OSBPL3: variants seen among roughly 807,000 people sequenced by gnomAD.
The protein encoded by OSBPL3 is oxysterol-binding protein-related protein 3.
In OSBPL3, 65 loss-of-function variants were observed where a neutral mutation model predicts 120.1. The observed-to-expected ratio is 0.54, with a 90% confidence interval of 0.44 to 0.67. The LOEUF (loss-of-function observed/expected upper bound fraction) is 0.67, where lower values mean the gene tolerates loss of function less well. Ranked by LOEUF, OSBPL3 falls within the 30% of genes least tolerant of loss-of-function variation. The probability of loss-of-function intolerance (pLI) is 0.00; values close to 1 mark genes in which losing one functional copy is unlikely to be tolerated. For missense variants in OSBPL3, 1,004 were observed against 1,082.1 expected, an observed-to-expected ratio of 0.93 and a Z score of 1.01; for synonymous variants, 416 against 402.6, an observed-to-expected ratio of 1.03 and a Z score of -0.40.
Position 24,806,977 on chromosome 7 carries a change from G to A in OSBPL3, c.2318-75C>T, listed in dbSNP as rs917108466. On this transcript the variant is annotated intron_variant, in intron 20 of 22. Coordinates refer to ENST00000313367, the MANE Select transcript of OSBPL3 (RefSeq NM_015550.4). The surrounding 1 kb of genome is among the most constrained non-coding windows in gnomAD (Gnocchi z 5.2). ...ACATTTTAATTCCTTCACCTTTTTC[G>A]TCTCAGCCTAGCTACAATTTTTCTC... The A allele has an allele frequency of 3.2e-5, 44 of 1,360,632 alleles. No individual in the cohort carries two copies. The highest frequency in any genetic ancestry group is 2.0e-4 in the Middle Eastern group (1 of 5,076). The allele number at this position is 1,360,632 out of a possible 1,614,324, so 84.3% of individuals were successfully genotyped here.
chr7:24,875,559 A>G (rs1191936450), intron 2 of OSBPL3, among the ~76,000 whole-genome samples: 1 of 152,148 alleles, frequency 6.6e-6, no homozygotes, highest in South Asian at 2.1e-4. Flanking sequence ...TTAATAATGA[A>G]TATCATTTGG....
chr7:24,834,803 C>T lies in OSBPL3; in HGVS notation c.1496-67G>A, dbSNP rs925329810. 4.4e-6 allele frequency: 6 copies of T among 1,375,016 alleles called. No homozygotes were observed. The highest frequency in any genetic ancestry group is 2.4e-5 in the East Asian group (1 of 42,344). The allele number at this position is 1,375,016 out of a possible 1,614,324, so 85.2% of individuals were successfully genotyped here. On this transcript the variant is annotated intron_variant, in intron 14 of 22. Coordinates refer to ENST00000313367, the MANE Select transcript of OSBPL3 (RefSeq NM_015550.4). The surrounding 1 kb of genome is among the most constrained non-coding windows in gnomAD (Gnocchi z 5.2). ...ATTTTATTCTATTATTTTTAATCCA[C>T]GAATAAAACCTTACGTAGCAAGTAG... is the stretch of plus-strand genomic sequence containing the variant.
At chr7:24,904,308 C>T (rs547820873) in intron 1 of OSBPL3, among the ~76,000 whole-genome samples, 1 of 152,340 alleles carries the variant, frequency 6.6e-6, no homozygotes, top group African/African-American at 2.4e-5. Flanking sequence ...TAACTGTCAA[C>T]TCTTTCAGTG....
At chr7:24,976,265 T>TA (rs141540738) in intron 1 of OSBPL3, among the ~76,000 whole-genome samples, 4,825 of 152,344 alleles carry the variant, frequency 0.032, 127 homozygotes, top group Non-Finnish European at 0.051. Context: ...GTTCAGCACC[T>TA]ATTACTACTG....
intron 1 of OSBPL3, among the ~76,000 whole-genome samples, chr7:24,909,173 T>C (rs191258395): frequency 6.6e-5 from 10 of 152,366 alleles, no homozygotes; most frequent in Non-Finnish European, 2.9e-5. Context: ...TAAGTTAGCA[T>C]GCATGCCTTG....
chr7:24,903,408 T>C (rs1807360272), intron 1 of OSBPL3, among the ~76,000 whole-genome samples: 1 of 152,230 alleles, frequency 6.6e-6, no homozygotes, highest in Non-Finnish European at 1.5e-5. Flanking sequence ...CTTTTGAAGT[T>C]CACCGATAGA....
In OSBPL3 at chr7:24,968,947, A is replaced by C. The variant is rs1816696867; in HGVS notation, c.-150+10939T>G. Among the ~76,000 whole-genome samples, 3 of 152,192 alleles carry C rather than the reference A, an allele frequency of 2.0e-5. No homozygotes were observed. The highest frequency in any genetic ancestry group is 2.0e-4 in the Admixed American group (3 of 15,278). On this transcript the variant is annotated intron_variant, in intron 1 of 22. Coordinates refer to ENST00000313367, the MANE Select transcript of OSBPL3 (RefSeq NM_015550.4). The surrounding 1 kb of genome is among the most constrained non-coding windows in gnomAD (Gnocchi z 4.6). ...TACTTGCAATCTGGTATTTATTCAA[A>C]TACTCCAAGAAACAATTTTGCATAT... is the stretch of plus-strand genomic sequence containing the variant.
intron 1 of OSBPL3, among the ~76,000 whole-genome samples, chr7:24,935,333 G>T (rs976723492): frequency 1.3e-5 from 2 of 152,080 alleles, no homozygotes; most frequent in South Asian, 4.1e-4. Flanking sequence ...AGTTTACTCA[G>T]ATTATGGTAA....
rs547862998 is a variant in OSBPL3, at chr7:24,938,028, G to A, written c.-150+41858C>T. On this transcript the variant is annotated intron_variant, in intron 1 of 22. Coordinates refer to ENST00000313367, the MANE Select transcript of OSBPL3 (RefSeq NM_015550.4). This position sits in a 1 kb window ranked among gnomAD's most constrained non-coding sequence, Gnocchi z 5.8. ...TTAGGAACTACATTTAACTGCAACC[G>A]ATAAGATACTTCCTCCTTATCTCCA... Among the ~76,000 whole-genome samples, 19 of 152,284 alleles carry A rather than the reference G, an allele frequency of 1.2e-4. No individual in the cohort carries two copies. Among genetic ancestry groups the A allele is most frequent in the Admixed American group, 1.0e-3 (16 of 15,298 alleles).
chr7:24,945,657 C>T (rs762261381), intron 1 of OSBPL3, among the ~76,000 whole-genome samples: 22 of 152,162 alleles, frequency 1.4e-4, no homozygotes, highest in Non-Finnish European at 5.9e-5. Flanking sequence ...TAGAAGTACA[C>T]GTAAGACCCT....
intron 1 of OSBPL3, among the ~76,000 whole-genome samples, chr7:24,915,354 T>C (rs1376964394): frequency 1.3e-5 from 2 of 152,170 alleles, no homozygotes; most frequent in Non-Finnish European, 1.5e-5. Flanking sequence ...GTCTTTAAAA[T>C]TCCCCCATGG....
In OSBPL3 at chr7:24,867,827, AT is replaced by A. The variant is rs1485156178; in HGVS notation, c.382-1591del. On this transcript the variant is annotated intron_variant, in intron 5 of 22. Transcript: ENST00000313367. This position sits in a 1 kb window ranked among gnomAD's most constrained non-coding sequence, Gnocchi z 4.5. Reference sequence around the variant, plus strand: ...TAAAGCACTATACAGCAATAGTATTATTTTTCTAACTTTTATTACTATCACA... The same window carrying A: ...TAAAGCACTATACAGCAATAGTATTATTTTCTAACTTTTATTACTATCACA... Among the ~76,000 whole-genome samples, 1 of 152,118 alleles carries A rather than the reference AT, an allele frequency of 6.6e-6. No individual in the cohort carries two copies. The highest frequency in any genetic ancestry group is 1.5e-5 in the Non-Finnish European group (1 of 68,016).
intron 1 of OSBPL3, among the ~76,000 whole-genome samples, chr7:24,976,166 AT>A (rs1817564913): frequency 6.6e-6 from 1 of 152,242 alleles, no homozygotes; most frequent in Non-Finnish European, 1.5e-5. Context: ...GACTGGAGAT[AT>A]AATAACAATG....
At chr7:24,979,834 G>A (rs1282968101) in intron 1 of OSBPL3, 52 bp downstream of exon 1, 6 of 723,642 alleles carry the variant, frequency 8.3e-6, no homozygotes, top group African/African-American at 5.8e-5. Context: ...CCGCGCCGCC[G>A]CCAGGCCCCC....
chr7:24,837,221 T>C (rs79872594), intron 14 of OSBPL3, among the ~76,000 whole-genome samples: 4,991 of 151,720 alleles, frequency 0.033, 161 homozygotes, highest in East Asian at 0.13. Context: ...AATATTGAGA[T>C]AGGGTCTTTC....
At position 24,820,961 on chromosome 7, in the gene OSBPL3, C is replaced by A. The variant is rs184987778; in HGVS notation, c.1885-723G>T. Among the ~76,000 whole-genome samples, 1 of 152,254 alleles carries A rather than the reference C, an allele frequency of 6.6e-6. No individual in the cohort carries two copies. The highest frequency in any genetic ancestry group is 2.4e-5 in the African/African-American group (1 of 41,552). ...GAGAATCCCCTGGAGCAGAGAGTGCCCTTTGGCAAGGGGTCATTACTCATT... is the reference window on the plus strand; with the variant it reads ...GAGAATCCCCTGGAGCAGAGAGTGCACTTTGGCAAGGGGTCATTACTCATT... On this transcript the variant is annotated intron_variant, in intron 16 of 22. Coordinates refer to ENST00000313367, the MANE Select transcript of OSBPL3 (RefSeq NM_015550.4). The surrounding 1 kb of genome is among the most constrained non-coding windows in gnomAD (Gnocchi z 4.6).
rs12154546 is a variant in OSBPL3 at position 24,939,441 on chromosome 7, A to G, written c.-150+40445T>C. ...AAAATCCCATTTCCCCTTGCTATTGATTGGCTTAAGCAAGTGCATCTGAAA... is the reference window on the plus strand; with the variant it reads ...AAAATCCCATTTCCCCTTGCTATTGGTTGGCTTAAGCAAGTGCATCTGAAA... On this transcript the variant is annotated intron_variant, in intron 1 of 22. Coordinates refer to ENST00000313367, the MANE Select transcript of OSBPL3 (RefSeq NM_015550.4). The surrounding 1 kb of genome is among the most constrained non-coding windows in gnomAD (Gnocchi z 4.2). Among the ~76,000 whole-genome samples the G allele has an allele frequency of 9.5e-3, 1,452 of 152,324 alleles. 11 individuals are homozygous for G. The highest frequency in any genetic ancestry group is 0.034 in the Middle Eastern group (10 of 294).
chr7:24,857,657 A>G (rs1170163371), intron 10 of OSBPL3, among the ~76,000 whole-genome samples: 2 of 152,190 alleles, frequency 1.3e-5, no homozygotes, highest in Admixed American at 1.3e-4. Flanking sequence ...GAGCTCCAAA[A>G]AGGCTTATTA....
intron 1 of OSBPL3, among the ~76,000 whole-genome samples, chr7:24,921,238 T>C (rs907383709): frequency 5.3e-5 from 8 of 151,940 alleles, no homozygotes; most frequent in African/African-American, 1.9e-4. Flanking sequence ...TTCTCAGAAA[T>C]ACCACGATGT....
Sources: gnomAD v4.1 joint callset for allele counts (sites outside exome capture counted in the v4.1 genomes callset) on GRCh38, gnomAD v4.1.1 for gene constraint, Gnocchi (gnomAD v3.1) non-coding constraint, MANE v1.5 for transcripts, NCBI Gene and HGNC (gene_info 2026-07-23, HGNC 2026-07-21) for gene names.